Variants in KCNN2 observed in about 807,000 individuals in gnomAD.
The protein encoded by KCNN2 is potassium calcium-activated channel subfamily N member 2.
In KCNN2, 24 loss-of-function variants were observed where a neutral mutation model predicts 55.5. That is an observed-to-expected ratio of 0.43 (90% CI 0.31 to 0.61). KCNN2 has a LOEUF of 0.61. Among genes scored for constraint, KCNN2 ranks in the 20% least tolerant of loss-of-function variants. The probability of loss-of-function intolerance (pLI) is 0.08; values close to 1 mark genes in which losing one functional copy is unlikely to be tolerated. For synonymous variants in KCNN2, 431 were observed against 336.1 expected, an observed-to-expected ratio of 1.28 and a Z score of -3.09; for missense variants, 754 against 853.6, an observed-to-expected ratio of 0.88 and a Z score of 1.45.
At chr5:114,168,572 AT>A (rs1049611071) in intron 1 of KCNN2, among the ~76,000 whole-genome samples, 33 of 152,132 alleles carry the variant, frequency 2.2e-4, no homozygotes, top group African/African-American at 7.2e-4. Flanking sequence ...CAAGCTAAAA[AT>A]ATTTATAGTT....
intron 1 of KCNN2, among the ~76,000 whole-genome samples, chr5:114,176,256 CT>C (rs530244009): frequency 3.0e-4 from 46 of 152,286 alleles, no homozygotes; most frequent in African/African-American, 1.1e-3. Context: ...CAAATGTCCC[CT>C]GGAGGGAAAA....
rs946219199 is a variant in KCNN2 at position 114,473,252 on chromosome 5, G to A, written c.1890+88G>A. The A allele has an allele frequency of 7.1e-6, 6 of 844,438 alleles. No homozygotes were observed. In the Admixed American group the frequency reaches 1.0e-4, roughly 14 times the overall value. The allele number at this position is 844,438 out of a possible 1,614,324, so 52.3% of individuals were successfully genotyped here. On this transcript the variant is annotated intron_variant, in intron 5 of 7. Transcript: ENST00000673685. ...TATGGTTTTTATTTTGACATCCGAA[G>A]CTGAAATGACATGGTTTGAAAGTAT... is the stretch of plus-strand genomic sequence containing the variant.
chr5:114,386,076 G>A (rs2150060295), intron 2 of KCNN2, among the ~76,000 whole-genome samples: 2 of 151,858 alleles, frequency 1.3e-5, no homozygotes, highest in East Asian at 1.9e-4. Flanking sequence ...CAGCTACTCG[G>A]GAGGCTGAGG....
At chr5:114,235,019 C>G (rs1246692180) in intron 2 of KCNN2, among the ~76,000 whole-genome samples, 1 of 152,086 alleles carries the variant, frequency 6.6e-6, no homozygotes, top group East Asian at 1.9e-4. Flanking sequence ...TCACAGTTAT[C>G]CTTTCTGTGA....
At chr5:114,491,035 T>C (rs1747823615) in intron 6 of KCNN2, among the ~76,000 whole-genome samples, 1 of 152,118 alleles carries the variant, frequency 6.6e-6, no homozygotes, top group Non-Finnish European at 1.5e-5. Context: ...TTCCGATAGC[T>C]AAAGGAATTC....
chr5:114,197,641 C>T (rs922919753), intron 1 of KCNN2, among the ~76,000 whole-genome samples: 4 of 152,130 alleles, frequency 2.6e-5, no homozygotes, highest in Non-Finnish European at 5.9e-5. Flanking sequence ...TTTGGTCTCA[C>T]CTGCCTGGAA....
chr5:114,067,290 A>G (rs897273139), intron 1 of KCNN2, among the ~76,000 whole-genome samples: 8 of 152,214 alleles, frequency 5.3e-5, no homozygotes, highest in African/African-American at 1.9e-4. Flanking sequence ...TGTGGCTCCA[A>G]CCAGCTGCAT....
intron 3 of KCNN2, among the ~76,000 whole-genome samples, chr5:114,420,624 A>G (rs1488080996): frequency 2.6e-5 from 4 of 152,224 alleles, no homozygotes; most frequent in African/African-American, 9.7e-5. Context: ...CATTCCTTAG[A>G]AGAGTATAAA....
chr5:114,362,995 A>C lies in KCNN2; in HGVS notation c.856A>C (p.Asn286His). Reference protein sequence around the residue: ...PEIVVSKPEHNNSNNLALYGT... With the variant: ...PEIVVSKPEHHNSNNLALYGT... ...GATCGTGGTGTCTAAGCCCGAGCAC[A>C]ACAACTCCAACAACCTGGCGCTCTA... The change falls in exon 1 of 8, where the codon AAC becomes CAC. Residue 286 changes from asparagine to histidine, a missense_variant. This residue lies in a region of KCNN2 where 381 missense variants were observed against 259.1 expected (regional missense o/e 1.47). Transcript: ENST00000673685. 2 of 1,593,754 alleles carry C rather than the reference A, an allele frequency of 1.3e-6. No individual in the cohort carries two copies. The highest frequency in any genetic ancestry group is 2.2e-5 in the South Asian group (2 of 89,906).
At chr5:114,096,498 C>T (rs987012396) in intron 1 of KCNN2, among the ~76,000 whole-genome samples, 1 of 152,104 alleles carries the variant, frequency 6.6e-6, no homozygotes, top group Admixed American at 6.6e-5. Flanking sequence ...ATGACCTGTA[C>T]ATCACAGAGT....
intron 2 of KCNN2, among the ~76,000 whole-genome samples, chr5:114,235,825 A>G (rs1439670388): frequency 6.6e-6 from 1 of 152,254 alleles, no homozygotes; most frequent in Non-Finnish European, 1.5e-5. Flanking sequence ...CAGACCCTGT[A>G]CTAATACTTT....
intron 3 of KCNN2, among the ~76,000 whole-genome samples, chr5:114,462,221 C>T (rs746966523): frequency 5.3e-5 from 8 of 152,150 alleles, no homozygotes; most frequent in Non-Finnish European, 8.8e-5. Flanking sequence ...GTTACTGTTT[C>T]GTACTGTTAA....
chr5:114,101,342 G>C (rs1751368224), intron 1 of KCNN2, among the ~76,000 whole-genome samples: 1 of 151,016 alleles, frequency 6.6e-6, no homozygotes, highest in South Asian at 2.1e-4. Context: ...TCCTGGTGCA[G>C]TAGGTGTAAT....
At chr5:114,412,880 A>T (rs1237133666) in intron 3 of KCNN2, among the ~76,000 whole-genome samples, 3 of 152,258 alleles carry the variant, frequency 2.0e-5, no homozygotes, top group Admixed American at 6.5e-5. Flanking sequence ...AATACTGGAT[A>T]GTTATTGGAT....
intron 1 of KCNN2, among the ~76,000 whole-genome samples, chr5:114,205,950 G>C (rs981127586): frequency 1.3e-5 from 2 of 152,140 alleles, no homozygotes; most frequent in Non-Finnish European, 2.9e-5. Flanking sequence ...TAGTTATTGT[G>C]CTAAATGGTA....
At chr5:114,253,092 A>AT (rs1488782877) in intron 2 of KCNN2, among the ~76,000 whole-genome samples, 2 of 141,986 alleles carry the variant, frequency 1.4e-5, no homozygotes, top group Non-Finnish European at 3.1e-5. Flanking sequence ...GATCCTTTCC[A>AT]TTTTTGCTCT....
chr5:114,483,070 A>G (rs1580912637), intron 5 of KCNN2, among the ~76,000 whole-genome samples: 1 of 152,050 alleles, frequency 6.6e-6, no homozygotes, highest in East Asian at 1.9e-4. Flanking sequence ...AAAGTCTAGC[A>G]GCCTCAAGTG....
chr5:114,418,990 C>T (rs1394888893), intron 3 of KCNN2, among the ~76,000 whole-genome samples: 1 of 152,160 alleles, frequency 6.6e-6, no homozygotes, highest in Non-Finnish European at 1.5e-5. Context: ...CCTGAGTAGA[C>T]TAAATTTGAA....
intron 2 of KCNN2, among the ~76,000 whole-genome samples, chr5:114,242,583 G>A (rs915851414): frequency 1.3e-5 from 2 of 152,234 alleles, no homozygotes; most frequent in East Asian, 3.9e-4. Context: ...GGGAAGACCA[G>A]TGTTCTATGT....
Sources: allele counts gnomAD v4.1 joint callset (sites outside exome capture counted in the v4.1 genomes callset), GRCh38; gene constraint gnomAD v4.1.1; regional missense constraint gnomAD v4.1.1; transcripts MANE v1.5; gene names NCBI Gene and HGNC (gene_info 2026-07-23, HGNC 2026-07-21).